CAST: variants seen among roughly 807,000 people sequenced by gnomAD.
CAST encodes the protein calpastatin.
CAST carries 76 observed loss-of-function variants against 119.6 expected under a neutral mutation model. The ratio of observed to expected loss-of-function variants is 0.64; its 90% CI spans 0.53 to 0.77. The LOEUF (loss-of-function observed/expected upper bound fraction) is 0.77. Ranked by LOEUF, CAST falls within the 30% of genes least tolerant of loss-of-function variation. CAST has a pLI of 0.00. For synonymous variants in CAST, 319 were observed against 331.6 expected, an observed-to-expected ratio of 0.96 and a Z score of 0.41; for missense variants, 953 against 946.5, an observed-to-expected ratio of 1.01 and a Z score of -0.09.
the CAST span, among the ~76,000 whole-genome samples, chr5:96,399,745 C>T: frequency 6.6e-6 from 1 of 152,044 alleles, no homozygotes; most frequent in Admixed American, 6.6e-5. Context: ...GGTAGGTGGA[C>T]TACAAGAGGA....
chr5:96,682,359 T>G (rs1037175221), intron 2 of CAST, among the ~76,000 whole-genome samples: 4 of 152,196 alleles, frequency 2.6e-5, no homozygotes, highest in Non-Finnish European at 5.9e-5. Flanking sequence ...AAATTTTGGT[T>G]TTCGTTTTTG....
At chr5:96,512,469 T>A in the CAST span, among the ~76,000 whole-genome samples, 1 of 152,218 alleles carries the variant, frequency 6.6e-6, no homozygotes, top group Non-Finnish European at 1.5e-5. Flanking sequence ...ATATGGCACA[T>A]AGTATAACCT....
At chr5:96,131,440 CACAT>C in the CAST span, among the ~76,000 whole-genome samples, 1 of 151,880 alleles carries the variant, frequency 6.6e-6, no homozygotes, top group Non-Finnish European at 1.5e-5. Flanking sequence ...CACACACACA[CACAT>C]ACATACTAAA....
the CAST span, among the ~76,000 whole-genome samples, chr5:96,059,280 C>A: frequency 8.5e-3 from 1,301 of 152,182 alleles, 25 homozygotes; most frequent in African/African-American, 0.03. Flanking sequence ...CCCAGCAGGA[C>A]GGATAATCAG....
At chr5:96,189,135 C>A in the CAST span, among the ~76,000 whole-genome samples, 1 of 152,246 alleles carries the variant, frequency 6.6e-6, no homozygotes, top group South Asian at 2.1e-4. Context: ...TGCTATGAAC[C>A]ATTACCCTGG....
the CAST span, among the ~76,000 whole-genome samples, chr5:96,438,172 G>T: frequency 6.6e-6 from 1 of 151,950 alleles, no homozygotes; most frequent in Admixed American, 6.6e-5. Context: ...ATAGAATATA[G>T]TATAGTTGGC....
the CAST span, among the ~76,000 whole-genome samples, chr5:96,342,521 A>T: frequency 6.6e-6 from 1 of 152,184 alleles, no homozygotes; most frequent in South Asian, 2.1e-4. Flanking sequence ...TAGAAGACGC[A>T]TTGCTGCCTG....
the CAST span, among the ~76,000 whole-genome samples, chr5:96,199,850 C>A: frequency 6.6e-6 from 1 of 152,090 alleles, no homozygotes; most frequent in Non-Finnish European, 1.5e-5. Flanking sequence ...ATTTTTCTCT[C>A]TCAGCTTGTT....
At chr5:96,424,285 T>A in the CAST span, among the ~76,000 whole-genome samples, 1 of 151,980 alleles carries the variant, frequency 6.6e-6, no homozygotes, top group Admixed American at 6.5e-5. Context: ...GGGGGTGGGG[T>A]GACAAGTATT....
the CAST span, among the ~76,000 whole-genome samples, chr5:96,013,783 A>AAT: frequency 6.6e-6 from 1 of 152,192 alleles, no homozygotes; most frequent in South Asian, 2.1e-4. Context: ...TACAGTAAAA[A>AAT]TAGAGTATAA....
At chr5:96,550,220 G>A (rs1303655262) in intron 1 of CAST, among the ~76,000 whole-genome samples, 1 of 152,162 alleles carries the variant, frequency 6.6e-6, no homozygotes, top group Non-Finnish European at 1.5e-5. Context: ...GAAAGGATCA[G>A]GCAGAAATGT....
At chr5:96,645,169 T>C (rs1258202542) in intron 1 of CAST, among the ~76,000 whole-genome samples, 8 of 152,182 alleles carry the variant, frequency 5.3e-5, no homozygotes, top group Admixed American at 3.9e-4. Flanking sequence ...CCTTGACAGT[T>C]GGAGTACATC....
chr5:96,020,500 C>A, the CAST span, among the ~76,000 whole-genome samples: 1 of 152,166 alleles, frequency 6.6e-6, no homozygotes, highest in African/African-American at 2.4e-5. Flanking sequence ...TGCTCCCCAT[C>A]GCTCACATTA....
chr5:96,313,366 C>A, the CAST span, among the ~76,000 whole-genome samples: 1 of 152,116 alleles, frequency 6.6e-6, no homozygotes, highest in Non-Finnish European at 1.5e-5. Context: ...ACACTGGCAA[C>A]CACTGATCAG....
intron 3 of CAST, among the ~76,000 whole-genome samples, chr5:96,719,335 A>T (rs1302224892): frequency 6.6e-6 from 1 of 152,118 alleles, no homozygotes; most frequent in African/African-American, 2.4e-5. Flanking sequence ...TAATTTTTAA[A>T]TTTTTTGTAG....
the CAST span, among the ~76,000 whole-genome samples, chr5:96,343,011 A>G: frequency 1.3e-5 from 2 of 152,316 alleles, no homozygotes; most frequent in Non-Finnish European, 2.9e-5. Context: ...TGAAGCTTAC[A>G]TTTGGTATTG....
chr5:96,674,063 G>A (rs1404792522), intron 1 of CAST, among the ~76,000 whole-genome samples: 1 of 152,006 alleles, frequency 6.6e-6, no homozygotes, highest in African/African-American at 2.4e-5. Context: ...GGTATTCCTT[G>A]GCCATTTTTA....
the CAST span, chr5:96,423,565 A>G: frequency 9.9e-7 from 1 of 1,012,888 alleles, no homozygotes; most frequent in South Asian, 1.3e-5. Context: ...TCCTTGGGTC[A>G]CTCTACTCTT....
chr5:96,562,259 A>T (rs113991850), intron 1 of CAST, among the ~76,000 whole-genome samples: 3,676 of 152,256 alleles, frequency 0.024, 74 homozygotes, highest in Middle Eastern at 0.037. Flanking sequence ...CAACTGAGAA[A>T]AATATTTGCA....
Sources: allele counts gnomAD v4.1 joint callset (sites outside exome capture counted in the v4.1 genomes callset), GRCh38; gene constraint gnomAD v4.1.1; transcripts MANE v1.5; gene names NCBI Gene and HGNC (gene_info 2026-07-23, HGNC 2026-07-21).